The following SRGAP3 variants were observed in gnomAD, a reference collection of about 807,000 sequenced individuals.
SRGAP3 encodes SLIT-ROBO Rho GTPase activating protein 3, also known as SLIT-ROBO Rho GTPase-activating protein 3.
A neutral mutation model predicts 121.1 loss-of-function variants in SRGAP3; 39 were observed. The ratio of observed to expected loss-of-function variants is 0.32; its 90% CI spans 0.25 to 0.42. SRGAP3 has a LOEUF of 0.42. Among genes scored for constraint, SRGAP3 ranks in the 10% least tolerant of loss-of-function variants. The probability of loss-of-function intolerance (pLI) is 1.00; values close to 1 mark genes in which losing one functional copy is unlikely to be tolerated. For missense variants in SRGAP3, 1,213 were observed against 1,470.6 expected (o/e 0.82, Z 2.86); for synonymous variants, 601 against 570.0 (o/e 1.05, Z -0.77).
At chr3:9,048,107 A>G (rs1945380399) in intron 9 of SRGAP3, among the ~76,000 whole-genome samples, 1 of 152,368 alleles carries the variant, frequency 6.6e-6, no homozygotes, top group African/African-American at 2.4e-5. Flanking sequence ...AAAGTCAGCC[A>G]TGGGCCAGGC....
intron 8 of SRGAP3, among the ~76,000 whole-genome samples, chr3:9,055,632 G>C (rs1574989514): frequency 6.6e-6 from 1 of 152,136 alleles, no homozygotes; most frequent in South Asian, 2.1e-4. Context: ...GTGTGCCCTA[G>C]GTTGTTTATT....
In SRGAP3 at chr3:9,048,805, C is replaced by T. The variant is rs372255147; in HGVS notation, c.1324-1330G>A. Among the ~76,000 whole-genome samples the T allele has an allele frequency of 7.2e-5, 11 of 152,148 alleles. No individual in the cohort carries two copies. In the East Asian group the frequency reaches 1.2e-3, roughly 16 times the overall value. On this transcript the variant is annotated intron_variant, in intron 9 of 21. Transcript: ENST00000383836. ...TGCCACTGCACTCCATCCTAAGCAA[C>T]AGAGTGAGACCCTATCTCCACAAAA...
At chr3:9,247,486 T>C (rs986275354) in intron 1 of SRGAP3, among the ~76,000 whole-genome samples, 3 of 151,952 alleles carry the variant, frequency 2.0e-5, no homozygotes, top group Non-Finnish European at 4.4e-5. Flanking sequence ...AAAAAACAGA[T>C]CCCTCCCCCC....
chr3:9,137,018 G>A (rs150830015), intron 1 of SRGAP3, among the ~76,000 whole-genome samples: 1 of 152,318 alleles, frequency 6.6e-6, no homozygotes, highest in African/African-American at 2.4e-5. Context: ...GGAGCTGTGT[G>A]CTTCCCCGAA....
intron 1 of SRGAP3, among the ~76,000 whole-genome samples, chr3:9,194,673 C>T (rs1167656939): frequency 6.6e-6 from 1 of 152,218 alleles, no homozygotes; most frequent in Non-Finnish European, 1.5e-5. Flanking sequence ...AACCTTCTCC[C>T]AAAGTCAACA....
chr3:9,311,953 T>C (rs1174052127), intron 3 of SRGAP3, among the ~76,000 whole-genome samples: 1 of 152,212 alleles, frequency 6.6e-6, no homozygotes, highest in Non-Finnish European at 1.5e-5. Context: ...TTTACATGAG[T>C]GCTAATGCAT....
At chr3:9,151,169 G>A (rs1482288475) in intron 1 of SRGAP3, among the ~76,000 whole-genome samples, 1 of 152,180 alleles carries the variant, frequency 6.6e-6, no homozygotes, top group Admixed American at 6.5e-5. Flanking sequence ...AGGGGGTCCA[G>A]AAGAAGGCAA....
At chr3:9,283,005 C>T (rs751631679) in intron 3 of SRGAP3, among the ~76,000 whole-genome samples, 2 of 151,520 alleles carry the variant, frequency 1.3e-5, no homozygotes, top group Non-Finnish European at 2.9e-5. Flanking sequence ...GGCAGGATCT[C>T]GGTTCACTGC....
At chr3:9,029,988 A>G (rs1944398215) in intron 12 of SRGAP3, among the ~76,000 whole-genome samples, 1 of 147,422 alleles carries the variant, frequency 6.8e-6, no homozygotes, top group Non-Finnish European at 1.5e-5. Flanking sequence ...AAAAAAAAAA[A>G]AAATTATTTT....
At chr3:9,347,617 A>C (rs1236752440) in intron 1 of SRGAP3, among the ~76,000 whole-genome samples, 2 of 152,230 alleles carry the variant, frequency 1.3e-5, no homozygotes, top group Non-Finnish European at 2.9e-5. Context: ...AGACTAGCAG[A>C]AAAGAGGAGA....
At chr3:9,120,839 T>G (rs1340120130) in intron 2 of SRGAP3, among the ~76,000 whole-genome samples, 1 of 152,242 alleles carries the variant, frequency 6.6e-6, no homozygotes, top group African/African-American at 2.4e-5. Context: ...AACCATCACG[T>G]GGGCCTTTCT....
intron 1 of SRGAP3, among the ~76,000 whole-genome samples, chr3:9,244,131 T>A (rs950774080): frequency 1.3e-5 from 2 of 152,230 alleles, no homozygotes; most frequent in African/African-American, 4.8e-5. Flanking sequence ...AATCACTGCA[T>A]GATATACGCT....
intron 21 of SRGAP3, among the ~76,000 whole-genome samples, chr3:8,986,143 G>A (rs1941693459): frequency 6.6e-6 from 1 of 152,142 alleles, no homozygotes; most frequent in Admixed American, 6.5e-5. Flanking sequence ...GATTTCATAA[G>A]GGCAGGTCAG....
chr3:9,213,402 G>C (rs906842242), intron 1 of SRGAP3, among the ~76,000 whole-genome samples: 1 of 151,684 alleles, frequency 6.6e-6, no homozygotes, highest in African/African-American at 2.4e-5. Flanking sequence ...CAAGAAACCA[G>C]AAGAGCAAAG....
At chr3:9,037,015 GC>G (rs918643384) in intron 11 of SRGAP3, 5 of 152,096 alleles carry the variant, frequency 3.3e-5, no homozygotes, top group African/African-American at 4.8e-5. Flanking sequence ...CCCATCCTGA[GC>G]CCAGGAAACT....
chr3:9,343,782 G>A (rs566319527), intron 1 of SRGAP3, among the ~76,000 whole-genome samples: 29 of 152,046 alleles, frequency 1.9e-4, no homozygotes, highest in African/African-American at 4.8e-4. Flanking sequence ...GCTATCCTCC[G>A]ACCTCAGCAT....
At position 8,983,690 on chromosome 3, in the gene SRGAP3, CTAATGA is replaced by C; in HGVS notation, c.*1823_*1828del. ...GGGCTCTGATCTAAGACTTACCTTA[CTAATGA>C]TAATCACAAACGCATTGTATTGATT... On this transcript the variant is annotated 3_prime_UTR_variant, in exon 22 of 22. Transcript: ENST00000383836. 4.3e-6 allele frequency: 1 copy of C among 231,236 alleles called. No homozygotes were observed. Among genetic ancestry groups the C allele is most frequent in the Non-Finnish European group, 8.6e-6 (1 of 116,812 alleles). 14.3% of individuals were successfully genotyped at this position (231,236 alleles called of 1,614,324 possible).
At position 9,047,402 on chromosome 3, in the gene SRGAP3, G is replaced by A. The variant is rs910578733; in HGVS notation, c.1397C>T (p.Thr466Ile). The A allele has an allele frequency of 1.2e-6, 2 of 1,614,042 alleles. No homozygotes were observed. The highest frequency in any genetic ancestry group is 2.7e-5 in the African/African-American group (2 of 74,916). Residue 466 changes from threonine to isoleucine, a missense_variant, in exon 10 of 22, where the codon ACC becomes ATC. Transcript: ENST00000383836. ...LQAKHDLLKQ[T>I]LGEGERAECG... ...ACCAGCCCACTCACCTTCGCCCAGGGTCTGCTTGAGTAAATCGTGCTTGGC... is the reference window on the plus strand; with the variant it reads ...ACCAGCCCACTCACCTTCGCCCAGGATCTGCTTGAGTAAATCGTGCTTGGC...
intron 15 of SRGAP3, 141 bp from the exon 16 acceptor site, chr3:9,013,983 CCTGG>C: frequency 5.2e-6 from 4 of 769,594 alleles, no homozygotes; most frequent in Non-Finnish European, 9.1e-6. Flanking sequence ...CACAGGTGAT[CCTGG>C]CCTGGCCAAT....
Sources: allele counts gnomAD v4.1 joint callset (sites outside exome capture counted in the v4.1 genomes callset), GRCh38; gene constraint gnomAD v4.1.1; transcripts MANE v1.5; gene names NCBI Gene and HGNC (gene_info 2026-07-23, HGNC 2026-07-21).